Variants in RPH3AL observed in about 807,000 individuals in gnomAD.
RPH3AL encodes the protein rabphilin 3A like (without C2 domains).
A neutral mutation model predicts 43.1 loss-of-function variants in RPH3AL; 38 were observed. That is an observed-to-expected ratio of 0.88 (90% CI 0.68 to 1.15). The LOEUF is 1.15. Among genes scored for constraint, RPH3AL ranks in the 50% most tolerant of loss-of-function variants. The pLI, the probability that RPH3AL is intolerant of heterozygous loss-of-function variation, is 0.00. For synonymous variants in RPH3AL, 189 were observed against 176.3 expected, an observed-to-expected ratio of 1.07 and a Z score of -0.57; for missense variants, 462 against 423.2, an observed-to-expected ratio of 1.09 and a Z score of -0.81.
chr17:247,174 G>A lies in RPH3AL; in HGVS notation c.550C>T (p.Pro184Ser). 1.2e-6 allele frequency: 2 copies of A among 1,614,134 alleles called. No individual in the cohort carries two copies. The highest frequency in any genetic ancestry group is 1.7e-6 in the Non-Finnish European group (2 of 1,179,992). Residue 184 changes from proline to serine, a missense_variant, in exon 7 of 10, where the codon CCG (proline) becomes TCG (serine). By Grantham distance (74) the Pro-to-Ser change is moderately conservative. Transcript: ENST00000331302. ...GAGCTTCTGGGCTCTCGCTCTGCCG[G>A]TTCCGTGGGCAAAGGTCGGAAGTGG... Reference protein sequence around the residue: ...DPHFRPLPTEPAEREPRSSET... With the variant: ...DPHFRPLPTESAEREPRSSET...
intron 7 of RPH3AL, among the ~76,000 whole-genome samples, chr17:235,015 T>C (rs35286566): frequency 0.11 from 16,265 of 152,236 alleles, 1,066 homozygotes; most frequent in Non-Finnish European, 0.15. Flanking sequence ...GGAAACAGCA[T>C]ATGCGTTTGA....
At chr17:224,521 C>G (rs1385234008) in intron 7 of RPH3AL, among the ~76,000 whole-genome samples, 1 of 152,260 alleles carries the variant, frequency 6.6e-6, no homozygotes, top group Non-Finnish European at 1.5e-5. Flanking sequence ...TCTGCTACAA[C>G]TGCACCAACC....
intron 5 of RPH3AL, among the ~76,000 whole-genome samples, chr17:315,706 G>GAC (rs2044051188): frequency 6.1e-5 from 9 of 147,210 alleles, no homozygotes; most frequent in African/African-American, 2.3e-4. Context: ...TTGACCTGTA[G>GAC]TCCTTGTGCC....
chr17:282,128 C>T (rs1305925765), intron 5 of RPH3AL, among the ~76,000 whole-genome samples: 1 of 152,114 alleles, frequency 6.6e-6, no homozygotes, highest in African/African-American at 2.4e-5. Flanking sequence ...AGCTGCGTCA[C>T]GTTTGATAGC....
At chr17:230,221 C>A (rs2041200390) in intron 7 of RPH3AL, among the ~76,000 whole-genome samples, 1 of 152,174 alleles carries the variant, frequency 6.6e-6, no homozygotes, top group African/African-American at 2.4e-5. Context: ...TTTACTCCCT[C>A]CTTCAGGCCC....
rs559827800 is a variant in RPH3AL at position 250,699 on chromosome 17, C to T, written c.439-3414G>A. On this transcript the variant is annotated intron_variant, in intron 6 of 9. Coordinates refer to ENST00000331302, the MANE Select transcript of RPH3AL (RefSeq NM_006987.4). ...GAGCCTTTACCAAGCTCCGCCACTG[C>T]GGGACCTCTCAGAGCCTTTACTAAG... 1.6e-4 allele frequency among the ~76,000 whole-genome samples: 24 copies of T among 149,202 alleles called. No homozygotes were observed. In the South Asian group the frequency reaches 1.7e-3, roughly 10 times the overall value.
chr17:226,128 G>C (rs534238921), intron 7 of RPH3AL, among the ~76,000 whole-genome samples: 1 of 152,232 alleles, frequency 6.6e-6, no homozygotes, highest in Non-Finnish European at 1.5e-5. Context: ...TTTGGTGCCC[G>C]TGTGCACAAG....
intron 5 of RPH3AL, among the ~76,000 whole-genome samples, chr17:304,199 T>C (rs1448477797): frequency 6.8e-6 from 1 of 146,744 alleles, no homozygotes; most frequent in Admixed American, 6.8e-5. Context: ...GTTTTAATAA[T>C]TATTGAGCAG....
In RPH3AL at chr17:245,696, G is replaced by A. The variant is rs930019536; in HGVS notation, c.613+1415C>T. On this transcript the variant is annotated intron_variant, in intron 7 of 9. Coordinates refer to ENST00000331302, the MANE Select transcript of RPH3AL (RefSeq NM_006987.4). This position sits in a 1 kb window ranked among gnomAD's most constrained non-coding sequence, Gnocchi z 5.9. ...GCAGGAGAAGGTCTGAGGTCCAAGG[G>A]TGGCAGAGGGACCAGGTGGAGGACC... Among the ~76,000 whole-genome samples the A allele has an allele frequency of 6.6e-6, 1 of 152,088 alleles. No individual in the cohort carries two copies. Among genetic ancestry groups the A allele is most frequent in the Non-Finnish European group, 1.5e-5 (1 of 68,014 alleles).
At chr17:237,997 A>AAC (rs373313134) in intron 7 of RPH3AL, among the ~76,000 whole-genome samples, 1 of 151,366 alleles carries the variant, frequency 6.6e-6, no homozygotes, top group Non-Finnish European at 1.5e-5. Context: ...GATACAAAAA[A>AAC]ATTAGCAGGT....
rs551215238 is a variant in RPH3AL, at chr17:333,493, C to A, written c.-37+266G>T. 80 of 353,208 alleles carry A rather than the reference C, an allele frequency of 2.3e-4. No individual in the cohort carries two copies. The highest frequency in any genetic ancestry group is 3.7e-4 in the Non-Finnish European group (68 of 183,228). 21.9% of individuals were successfully genotyped at this position (353,208 alleles called of 1,614,324 possible). On this transcript the variant is annotated intron_variant, in intron 2 of 9. Coordinates refer to ENST00000331302, the MANE Select transcript of RPH3AL (RefSeq NM_006987.4). The surrounding 1 kb of genome is among the most constrained non-coding windows in gnomAD (Gnocchi z 4.5). ...TAAAATTGGGTTCTTACTATATATG[C>A]TGCTTGCTGGTTTTTTAAACCACCT...
intron 5 of RPH3AL, among the ~76,000 whole-genome samples, chr17:318,371 G>A (rs1416729640): frequency 6.6e-6 from 1 of 152,184 alleles, no homozygotes; most frequent in African/African-American, 2.4e-5. Context: ...GACAGAGCAA[G>A]ACTCCGTCTC....
chr17:284,671 T>C (rs1162053418), intron 5 of RPH3AL, among the ~76,000 whole-genome samples: 1 of 152,116 alleles, frequency 6.6e-6, no homozygotes. Context: ...CCTCGCAGCC[T>C]GGCCTCTCCC....
intron 5 of RPH3AL, among the ~76,000 whole-genome samples, chr17:314,102 G>C (rs983187819): frequency 6.6e-6 from 1 of 152,186 alleles, no homozygotes; most frequent in East Asian, 1.9e-4. Flanking sequence ...TGTTGCCTAA[G>C]ACATGGCTCC....
chr17:348,888 T>C (rs1246426466), intron 1 of RPH3AL: 2 of 152,184 alleles, frequency 1.3e-5, no homozygotes, highest in African/African-American at 4.8e-5. Flanking sequence ...GTTTATTTCT[T>C]TGTTTACGTG....
rs534620807 is a variant in RPH3AL at position 213,963 on chromosome 17, GT to G, written c.877-41del. 15 of 1,500,226 alleles carry G rather than the reference GT, an allele frequency of 1.0e-5. No individual in the cohort carries two copies. The African/African-American group carries it at 1.9e-4, about 19-fold the overall frequency. The allele number at this position is 1,500,226 out of a possible 1,614,324, so 92.9% of individuals were successfully genotyped here. ...AAAGGCCACCACATGGTGAGCAGCG[GT>G]GGAGTCCCTCCCTCCCCGGTGACAG... On this transcript the variant is annotated intron_variant, in intron 9 of 9. Coordinates refer to ENST00000331302, the MANE Select transcript of RPH3AL (RefSeq NM_006987.4).
At position 328,148 on chromosome 17, in the gene RPH3AL, AG is replaced by A. The variant is rs1567527291; in HGVS notation, c.-36-570del. On this transcript the variant is annotated intron_variant, in intron 2 of 9. Transcript: ENST00000331302. The surrounding 1 kb of genome is among the most constrained non-coding windows in gnomAD (Gnocchi z 4.2). ...AGGATTGCCACCCAGCACCATGCCA[AG>A]GGGAGCCGTCCATAGACACTGCCAT... Among the ~76,000 whole-genome samples the A allele has an allele frequency of 6.6e-6, 1 of 152,016 alleles. No individual in the cohort carries two copies. The highest frequency in any genetic ancestry group is 1.5e-5 in the Non-Finnish European group (1 of 67,998).
intron 7 of RPH3AL, among the ~76,000 whole-genome samples, chr17:229,410 C>T (rs1470325511): frequency 6.6e-6 from 1 of 152,226 alleles, no homozygotes; most frequent in Non-Finnish European, 1.5e-5. Flanking sequence ...CCGCACTGTA[C>T]AAAGACAGCA....
intron 6 of RPH3AL, among the ~76,000 whole-genome samples, chr17:270,384 G>A (rs770944132): frequency 2.6e-5 from 4 of 152,236 alleles, no homozygotes; most frequent in Non-Finnish European, 4.4e-5. Flanking sequence ...GCTGGGGCTC[G>A]GCTAGCACGG....
Sources: gnomAD v4.1 joint callset for allele counts (sites outside exome capture counted in the v4.1 genomes callset) on GRCh38, gnomAD v4.1.1 for gene constraint, Gnocchi (gnomAD v3.1) non-coding constraint, MANE v1.5 for transcripts, NCBI Gene and HGNC (gene_info 2026-07-23, HGNC 2026-07-21) for gene names.